Variants in TNIP1 observed in about 807,000 individuals in gnomAD.
TNIP1 encodes the protein TNFAIP3 interacting protein 1.
A neutral mutation model predicts 86.6 loss-of-function variants in TNIP1; 22 were observed. The ratio of observed to expected loss-of-function variants is 0.25; its 90% CI spans 0.18 to 0.36. TNIP1 has a LOEUF of 0.36. Among genes scored for constraint, TNIP1 ranks in the 10% least tolerant of loss-of-function variants. TNIP1 has a pLI of 1.00. For missense variants in TNIP1, 709 were observed against 820.6 expected, an observed-to-expected ratio of 0.86 and a Z score of 1.66; for synonymous variants, 294 against 313.0, an observed-to-expected ratio of 0.94 and a Z score of 0.64.
At chr5:151,075,168 C>A (rs1008983232) in intron 1 of TNIP1, among the ~76,000 whole-genome samples, 17 of 151,916 alleles carry the variant, frequency 1.1e-4, no homozygotes, top group Non-Finnish European at 1.5e-4. Context: ...AAGAAAAAAA[C>A]CCCACTAAAT....
intron 17 of TNIP1, 198 bp downstream of exon 17, chr5:151,032,089 T>C (rs1257436699): frequency 1.7e-6 from 1 of 586,684 alleles, no homozygotes; most frequent in African/African-American, 1.9e-5. Context: ...TGGCATTAGA[T>C]AATGCACTAG....
intron 1 of TNIP1, among the ~76,000 whole-genome samples, chr5:151,068,034 T>C (rs1257386386): frequency 6.6e-6 from 1 of 152,126 alleles, no homozygotes; most frequent in Non-Finnish European, 1.5e-5. Context: ...AAGGGGTTCA[T>C]GGGAAACAAA....
chr5:151,046,228 A>T (rs1759149194), intron 8 of TNIP1: 2 of 462,168 alleles, frequency 4.3e-6, no homozygotes, highest in Non-Finnish European at 4.0e-6. Flanking sequence ...TTTAGGTACA[A>T]CCTCTAAGGT....
intron 8 of TNIP1, among the ~76,000 whole-genome samples, chr5:151,048,915 G>A (rs1759532642): frequency 6.6e-6 from 1 of 152,192 alleles, no homozygotes; most frequent in African/African-American, 2.4e-5. Context: ...CAGAAATCCT[G>A]ATTATATGAT....
intron 4 of TNIP1, 113 bp from the exon 5 acceptor site, chr5:151,060,508 A>C: frequency 1.2e-6 from 1 of 865,642 alleles, no homozygotes; most frequent in Non-Finnish European, 1.9e-6. Flanking sequence ...TTTTGAGTAC[A>C]CAGGGACCGT....
Position 151,030,256 on chromosome 5 carries a change from T to C in TNIP1, c.*457A>G, listed in dbSNP as rs758769804. On this transcript the variant is annotated 3_prime_UTR_variant, in exon 18 of 18. Transcript: ENST00000521591. ...CTTCCCACAGCTCCTCACAGAGGGG[T>C]AGGGGTGTGCGTGGGGCAGGTCCTG... 4.8e-6 allele frequency: 2 copies of C among 419,234 alleles called. No individual in the cohort carries two copies. The highest frequency in any genetic ancestry group is 9.8e-6 in the Non-Finnish European group (2 of 204,522). 26.0% of individuals were successfully genotyped at this position (419,234 alleles called of 1,614,324 possible).
At chr5:151,074,685 C>T (rs1405472319) in intron 1 of TNIP1, among the ~76,000 whole-genome samples, 5 of 152,164 alleles carry the variant, frequency 3.3e-5, no homozygotes, top group Non-Finnish European at 5.9e-5. Flanking sequence ...AAGCTGAAAG[C>T]TACCTAAAAT....
intron 9 of TNIP1, among the ~76,000 whole-genome samples, chr5:151,044,330 C>T (rs886194397): frequency 6.6e-6 from 1 of 152,026 alleles, no homozygotes; most frequent in African/African-American, 2.4e-5. Flanking sequence ...GTGTGAGCCA[C>T]CACGCCTGAC....
intron 1 of TNIP1, among the ~76,000 whole-genome samples, chr5:151,065,756 G>T (rs1373401111): frequency 1.3e-5 from 2 of 151,964 alleles, no homozygotes; most frequent in Non-Finnish European, 2.9e-5. Flanking sequence ...AAAAAGAAAA[G>T]AAAAAAACAC....
At chr5:151,057,077 A>C in intron 5 of TNIP1, 120 bp from the exon 6 acceptor site, 6 of 1,083,486 alleles carry the variant, frequency 5.5e-6, no homozygotes, top group Non-Finnish European at 7.3e-6. Context: ...ACCCCAGCTC[A>C]GCCCCGGGAA....
intron 16 of TNIP1, among the ~76,000 whole-genome samples, chr5:151,033,089 G>A (rs1757115836): frequency 8.0e-6 from 1 of 124,266 alleles, no homozygotes; most frequent in Non-Finnish European, 1.6e-5. Context: ...TCGTATCACT[G>A]CACTCCAGCA....
intron 8 of TNIP1, 108 bp downstream of exon 8, chr5:151,049,716 A>T: frequency 7.4e-7 from 1 of 1,349,270 alleles, no homozygotes; most frequent in Non-Finnish European, 1.0e-6. Context: ...ACCTTCTACC[A>T]CTGGCACTGG....
At chr5:151,063,543 A>C in intron 3 of TNIP1, 70 bp downstream of exon 3, 1 of 1,572,988 alleles carries the variant, frequency 6.4e-7, no homozygotes, top group Non-Finnish European at 8.7e-7. Context: ...ATAAGAAGGG[A>C]GTTCACTGTG....
Position 151,064,948 on chromosome 5 carries a change from G to A in TNIP1, c.136+12C>T, listed in dbSNP as rs1384732410. On this transcript the variant is annotated intron_variant, in intron 2 of 17. Transcript: ENST00000521591. ...AGGGGCGCTCGCAGGGAGGGGACAG[G>A]GTCTGCTTTACCTAACATCTTTATC... 6.2e-7 allele frequency: 1 copy of A among 1,614,024 alleles called. No homozygotes were observed. The highest frequency in any genetic ancestry group is 8.5e-7 in the Non-Finnish European group (1 of 1,179,958).
In TNIP1 at chr5:151,035,600, G is replaced by A. The variant is rs1057432323; in HGVS notation, c.1503C>T (p.Val501=). 1.2e-6 allele frequency: 2 copies of A among 1,614,192 alleles called. No homozygotes were observed. The highest frequency in any genetic ancestry group is 1.1e-5 in the South Asian group (1 of 91,084). The change falls in exon 14 of 18, where the codon GTC becomes GTT. Residue 501 remains valine, a synonymous_variant. Coordinates refer to ENST00000521591, the MANE Select transcript of TNIP1 (RefSeq NM_006058.5). ...KKQVEKLQAQ[V]TLSNAQLKAF... ...CTCTTACCTGGGCATTTGACAGGGT[G>A]ACCTGGGCCTGCAGCTTCTCCACTT... is the stretch of plus-strand genomic sequence containing the variant.
chr5:151,037,034 AC>A, intron 12 of TNIP1, 113 bp from the exon 13 acceptor site: 2 of 1,304,704 alleles, frequency 1.5e-6, no homozygotes, highest in East Asian at 5.2e-5. Context: ...AATAATAGCC[AC>A]CACTACCAGT....
intron 9 of TNIP1, among the ~76,000 whole-genome samples, chr5:151,045,147 G>A (rs1003614576): frequency 3.3e-5 from 5 of 151,928 alleles, no homozygotes; most frequent in Admixed American, 1.3e-4. Flanking sequence ...GCTGGCACGC[G>A]GTGGCACGGT....
At chr5:151,045,752 T>A in intron 9 of TNIP1, 109 bp downstream of exon 9, 1 of 1,088,786 alleles carries the variant, frequency 9.2e-7, no homozygotes, top group South Asian at 1.3e-5. Flanking sequence ...TGCCAACTCC[T>A]CATGGTGACC....
upstream of TNIP1, among the ~76,000 whole-genome samples, chr5:151,085,025 C>G (rs1428987092): frequency 1.3e-5 from 2 of 152,212 alleles, no homozygotes; most frequent in African/African-American, 2.4e-5. Context: ...TTAATTCTCT[C>G]TATCCAGCTC....
Sources: gnomAD v4.1 joint callset for allele counts (sites outside exome capture counted in the v4.1 genomes callset) on GRCh38, gnomAD v4.1.1 for gene constraint, MANE v1.5 for transcripts, NCBI Gene and HGNC (gene_info 2026-07-23, HGNC 2026-07-21) for gene names.